Variants in ELMO3 observed in about 807,000 individuals in gnomAD.
ELMO3 encodes engulfment and cell motility protein 3.
A neutral mutation model predicts 89.0 loss-of-function variants in ELMO3; 81 were observed. That is an observed-to-expected ratio of 0.91 (90% CI 0.76 to 1.09). The LOEUF (loss-of-function observed/expected upper bound fraction) is 1.09, where lower values mean the gene tolerates loss of function less well. Among genes scored for constraint, ELMO3 ranks in the 50% least tolerant of loss-of-function variants. The pLI is 0.00. For missense variants in ELMO3, 959 were observed against 972.8 expected (o/e 0.99, Z 0.19); for synonymous variants, 406 against 400.6 (o/e 1.01, Z -0.16).
intron 15 of ELMO3, 42 bp from the exon 16 acceptor site, chr16:67,202,850 T>C: frequency 6.2e-7 from 1 of 1,612,456 alleles, no homozygotes; most frequent in Non-Finnish European, 8.5e-7. Flanking sequence ...CCCCCTGGGC[T>C]ACTCCCCAGG....
Position 67,200,960 on chromosome 16 carries a change from G to T in ELMO3, c.736G>T (p.Glu246Ter). Residue 246 changes from glutamate to a stop codon, truncating the protein, a stop_gained, in exon 8 of 20, where the codon GAA becomes TAA. Transcript: ENST00000393997. LOFTEE classifies it high-confidence loss of function. ...TALLQGASPV[E>*]RKHMLDYLWQ... ...CTTGCTGCAGGGGGCCAGCCCTGTG[G>T]AACGCAAGGTGAGTGTCGATCGGTG... is the stretch of plus-strand genomic sequence containing the variant. 1 of 1,605,410 alleles carries T rather than the reference G, an allele frequency of 6.2e-7. No individual in the cohort carries two copies. Among genetic ancestry groups the T allele is most frequent in the Non-Finnish European group, 8.5e-7 (1 of 1,177,728 alleles).
rs989048870 is a variant in ELMO3, at chr16:67,203,415, T to C, written c.1863+6T>C. On this transcript the variant is annotated splice_donor_region_variant and intron_variant, in intron 18 of 19. Coordinates refer to ENST00000393997, the MANE Select transcript of ELMO3 (RefSeq NM_024712.5). This position sits in a 1 kb window ranked among gnomAD's most constrained non-coding sequence, Gnocchi z 4.6. ...GCTCCGGGAAGCAGAACAAGGTGAG[T>C]ACAGCGGGCCAGGGGCTCCTTCCCA... The C allele has an allele frequency of 1.9e-6, 3 of 1,612,516 alleles. No individual in the cohort carries two copies. Among genetic ancestry groups the C allele is most frequent in the Non-Finnish European group, 2.5e-6 (3 of 1,179,562 alleles).
chr16:67,199,957 G>A lies in ELMO3; in HGVS notation c.199G>A (p.Ala67Thr). The A allele has an allele frequency of 6.2e-7, 1 of 1,613,858 alleles. No homozygotes were observed. Among genetic ancestry groups the A allele is most frequent in the Non-Finnish European group, 8.5e-7 (1 of 1,180,020 alleles). ...HRRYITENNR[A>T]EIKNGSILCL... ...TTTCTGCTGTCTTCTCCAGAACCGC[G>A]CGGAGATCAAGAATGGCAGCATCCT... is the stretch of plus-strand genomic sequence containing the variant. Residue 67 changes from alanine (A) to threonine (T), a missense_variant, in exon 4 of 20, where the codon GCG (alanine) becomes ACG (threonine). By Grantham distance (58) the Ala-to-Thr change is moderately conservative (BLOSUM62 0). Coordinates refer to ENST00000393997, the MANE Select transcript of ELMO3 (RefSeq NM_024712.5).
chr16:67,202,736 G>C lies in ELMO3; in HGVS notation c.1508G>C (p.Arg503Pro). The part of the protein sequence containing the change: ...VNALTYGEVL[R>P]LRQTERLHQE... ...GCGCTCACTTATGGGGAGGTGCTGC[G>C]GCTGCGGCAGACTGAACGGCTGCAC... Residue 503 changes from arginine to proline, a missense_variant, in exon 15 of 20, where the codon CGG becomes CCG. Physicochemically the swap from Arg to Pro is moderately radical, Grantham distance 103. Coordinates refer to ENST00000393997, the MANE Select transcript of ELMO3 (RefSeq NM_024712.5). 1 of 1,613,670 alleles carries C rather than the reference G, an allele frequency of 6.2e-7. No individual in the cohort carries two copies. The highest frequency in any genetic ancestry group is 8.5e-7 in the Non-Finnish European group (1 of 1,180,006).
At position 67,199,591 on chromosome 16, in the gene ELMO3, C is replaced by A. The variant is rs745907063; in HGVS notation, c.117C>A (p.Asp39Glu). 1 of 1,609,504 alleles carries A rather than the reference C, an allele frequency of 6.2e-7. No homozygotes were observed. The highest frequency in any genetic ancestry group is 8.5e-7 in the Non-Finnish European group (1 of 1,179,254). ...CCGCTGTGCTGAAGGAGGTGTGCGA[C>A]GCGTGAGTGCTGCCGGGCCAGGGCC... ...PLAAVLKEVC[D>E]AWSLTHSERY... The change falls in exon 2 of 20, where the codon GAC (aspartate) becomes GAA (glutamate). Residue 39 changes from aspartate (D) to glutamate (E), a missense_variant and splice_region_variant. Asp to Glu is a conservative substitution (Grantham distance 45). Coordinates refer to ENST00000393997, the MANE Select transcript of ELMO3 (RefSeq NM_024712.5).
At position 67,203,477 on chromosome 16, in the gene ELMO3, C is replaced by T; in HGVS notation, c.1864-20C>T. The stretch of plus-strand genomic sequence containing the variant: ...CTACCCTGTCCCCTGCTCAGTGTCC[C>T]CGCTCCCTTGCTTCCCCAGGACCTC... On this transcript the variant is annotated intron_variant, in intron 18 of 19. Transcript: ENST00000393997. This position sits in a 1 kb window ranked among gnomAD's most constrained non-coding sequence, Gnocchi z 4.6. 1 of 1,613,738 alleles carries T rather than the reference C, an allele frequency of 6.2e-7. No individual in the cohort carries two copies. The highest frequency in any genetic ancestry group is 1.1e-5 in the South Asian group (1 of 91,074).
intron 2 of ELMO3, 35 bp from the exon 3 acceptor site, chr16:67,199,649 C>T (rs1187771639): frequency 6.2e-7 from 1 of 1,608,088 alleles, no homozygotes; most frequent in South Asian, 1.1e-5. Context: ...GGGGCGGCGC[C>T]CCCTGCCGGC....
In ELMO3 at chr16:67,201,315, C is replaced by T. The variant is rs563659901; in HGVS notation, c.745-70C>T. Reference sequence around the variant, plus strand: ...CTCGTGATCCGCCCGCCTTGGCCTCCCAAAGTGCTGGGATTACAGGCGTGA... The same window carrying T: ...CTCGTGATCCGCCCGCCTTGGCCTCTCAAAGTGCTGGGATTACAGGCGTGA... On this transcript the variant is annotated intron_variant, in intron 8 of 19. Transcript: ENST00000393997. The T allele has an allele frequency of 1.5e-4, 234 of 1,604,116 alleles. 2 individuals carry two copies. In the South Asian group the frequency reaches 2.4e-3, roughly 16 times the overall value.
In ELMO3 at chr16:67,202,179, G is replaced by A. The variant is rs756509141; in HGVS notation, c.1156G>A (p.Val386Met). Residue 386 changes from valine to methionine, a missense_variant, in exon 13 of 20, where the codon GTG (valine) becomes ATG (methionine). Transcript: ENST00000393997. ...RNAPSAYSRF[V>M]LENSSREDKH... ...GCCCCATTCTCTGCGCCCCCAGTTT[G>A]TGTTGGAGAACAGCAGCCGCGAGGA... The A allele has an allele frequency of 1.2e-5, 20 of 1,600,798 alleles. No homozygotes were observed. Among genetic ancestry groups the A allele is most frequent in the Non-Finnish European group, 1.6e-5 (19 of 1,171,764 alleles).
At position 67,203,198 on chromosome 16, in the gene ELMO3, T is replaced by C. The variant is rs1327082259; in HGVS notation, c.1755T>C (p.Pro585=). ...ACATGGAGGAGGGCGCCAGCCCGCC[T>C]ACCCTGGAGAGTCTGCCCGAGCAAC... ...YGDMEEGASP[P]TLESLPEQLP... The change falls in exon 17 of 20, where the codon CCT becomes CCC. Residue 585 remains proline, a synonymous_variant. Coordinates refer to ENST00000393997, the MANE Select transcript of ELMO3 (RefSeq NM_024712.5). The surrounding 1 kb of genome is among the most constrained non-coding windows in gnomAD (Gnocchi z 4.6). 3.7e-6 allele frequency: 6 copies of C among 1,610,584 alleles called. No homozygotes were observed. Among genetic ancestry groups the C allele is most frequent in the Admixed American group, 1.7e-5 (1 of 59,914 alleles).
At chr16:67,199,883 C>T in intron 3 of ELMO3, 68 bp from the exon 4 acceptor site, 2 of 1,610,772 alleles carry the variant, frequency 1.2e-6, no homozygotes, top group Non-Finnish European at 1.7e-6. Context: ...CCGCCCTCAC[C>T]GACACCCCAG....
rs200461796 is a variant in ELMO3, at chr16:67,203,771, G to A, written c.2057G>A (p.Arg686His). 4.1e-5 allele frequency: 66 copies of A among 1,613,124 alleles called. No homozygotes were observed. In the East Asian group the frequency reaches 6.5e-4, roughly 16 times the overall value. Residue 686 changes from arginine (R) to histidine (H), a missense_variant, in exon 20 of 20, where the codon CGT (arginine) becomes CAT (histidine). Arg to His is a conservative substitution (Grantham distance 29). Coordinates refer to ENST00000393997, the MANE Select transcript of ELMO3 (RefSeq NM_024712.5). This position sits in a 1 kb window ranked among gnomAD's most constrained non-coding sequence, Gnocchi z 4.6. Reference protein sequence around the residue: ...EQLLTMETKLRLLELENVPIP... With the variant: ...EQLLTMETKLHLLELENVPIP... ...CTGCTGACCATGGAGACCAAGCTGC[G>A]TCTGCTGGAGCTGGAGAACGTGCCC...
rs1407495981 is a variant in ELMO3, at chr16:67,204,001, G to T, written c.*124G>T. The T allele has an allele frequency of 5.4e-6, 5 of 920,870 alleles. No individual in the cohort carries two copies. The highest frequency in any genetic ancestry group is 8.0e-6 in the Non-Finnish European group (5 of 628,652). 57.0% of individuals were successfully genotyped at this position (920,870 alleles called of 1,614,324 possible). ...CAGAAATAAAGTCTGCTTGGCTCTT[G>T]GGATATGTTGAGCCAGCTCTGTACC... On this transcript the variant is annotated 3_prime_UTR_variant, in exon 20 of 20. Transcript: ENST00000393997.
rs1046603489 is a variant in ELMO3, at chr16:67,203,430, G to C, written c.1863+21G>C. 3.7e-6 allele frequency: 6 copies of C among 1,612,844 alleles called. No homozygotes were observed. Among genetic ancestry groups the C allele is most frequent in the Non-Finnish European group, 5.1e-6 (6 of 1,179,672 alleles). ...ACAAGGTGAGTACAGCGGGCCAGGG[G>C]CTCCTTCCCACCCGCCCCCGCCTAC... On this transcript the variant is annotated intron_variant, in intron 18 of 19. Coordinates refer to ENST00000393997, the MANE Select transcript of ELMO3 (RefSeq NM_024712.5). This position sits in a 1 kb window ranked among gnomAD's most constrained non-coding sequence, Gnocchi z 4.6.
At chr16:67,200,075 GC>G in intron 4 of ELMO3, 74 bp downstream of exon 4, 1 of 1,569,124 alleles carries the variant, frequency 6.4e-7, no homozygotes, top group Non-Finnish European at 8.6e-7. Context: ...CGCCCCGGAG[GC>G]CCCCGCCCCA....
Position 67,199,270 on chromosome 16 carries a change from C to G in ELMO3, c.-57C>G. 6.2e-7 allele frequency: 1 copy of G among 1,612,174 alleles called. No homozygotes were observed. The highest frequency in any genetic ancestry group is 8.5e-7 in the Non-Finnish European group (1 of 1,179,742). On this transcript the variant is annotated 5_prime_UTR_variant, in exon 1 of 20. Coordinates refer to ENST00000393997, the MANE Select transcript of ELMO3 (RefSeq NM_024712.5). ...CCAGGGGCCCCAGGCCAGGTGCACC[C>G]TTGGCCGCAGGTGCACGGTCTCCGG...
chr16:67,200,920 G>A lies in ELMO3; in HGVS notation c.696G>A (p.Met232Ile), dbSNP rs1353774185. ...ACCAGCAGCTGCAAACCAAGGCCAT[G>A]GCCCTGCTGACAGCCTTGCTGCAGG... ...VMNQQLQTKA[M>I]ALLTALLQGA... The change falls in exon 8 of 20, where the codon ATG (methionine) becomes ATA (isoleucine). Residue 232 changes from methionine to isoleucine, a missense_variant. Coordinates refer to ENST00000393997, the MANE Select transcript of ELMO3 (RefSeq NM_024712.5). 6.2e-7 allele frequency: 1 copy of A among 1,612,942 alleles called. No homozygotes were observed. Among genetic ancestry groups the A allele is most frequent in the African/African-American group, 1.3e-5 (1 of 74,886 alleles).
intron 4 of ELMO3, 71 bp from the exon 5 acceptor site, chr16:67,200,121 C>T: frequency 1.3e-6 from 2 of 1,575,634 alleles, no homozygotes; most frequent in Non-Finnish European, 1.7e-6. Flanking sequence ...ACGCCCGGGG[C>T]CGCACACTTC....
intron 2 of ELMO3, 38 bp from the exon 3 acceptor site, chr16:67,199,646 C>G (rs757953261): frequency 1.2e-5 from 19 of 1,607,106 alleles, no homozygotes; most frequent in Non-Finnish European, 1.6e-5. Context: ...GGAGGGGCGG[C>G]GCCCCCTGCC....
Sources: allele counts gnomAD v4.1 joint callset, GRCh38; gene constraint gnomAD v4.1.1; non-coding constraint Gnocchi (gnomAD v3.1); transcripts MANE v1.5; gene names NCBI Gene and HGNC (gene_info 2026-07-23, HGNC 2026-07-21).